Variants in TBXAS1 observed in about 807,000 individuals in gnomAD.
The protein encoded by TBXAS1 is thromboxane A synthase 1, also known as thromboxane-A synthase.
Under a neutral mutation model 60.7 loss-of-function variants are expected in TBXAS1, and 48 were observed. The observed-to-expected ratio is 0.79, with a 90% CI of 0.63 to 1.01. TBXAS1 has a LOEUF of 1.01. Among genes scored for constraint, TBXAS1 ranks in the 50% least tolerant of loss-of-function variants. The probability of loss-of-function intolerance (pLI) is 0.00; values close to 1 mark genes in which losing one functional copy is unlikely to be tolerated. For synonymous variants in TBXAS1, 287 were observed against 269.7 expected (o/e 1.06, Z -0.63); for missense variants, 685 against 686.3 (o/e 1.00, Z 0.02).
rs965010180 is a variant in TBXAS1 at position 139,962,358 on chromosome 7, A to T, written c.1134+125A>T. 4.1e-6 allele frequency: 5 copies of T among 1,206,834 alleles called. No individual in the cohort carries two copies. In the African/African-American group the frequency reaches 7.5e-5, roughly 18 times the overall value. 74.8% of individuals were successfully genotyped at this position (1,206,834 alleles called of 1,614,324 possible). ...ACATTCTAAGCTTATAAGATGAAATAGGGTCATTGCTTGGCTTCTCCTGCT... is the reference window on the plus strand; with the variant it reads ...ACATTCTAAGCTTATAAGATGAAATTGGGTCATTGCTTGGCTTCTCCTGCT... On this transcript the variant is annotated intron_variant, in intron 9 of 12. Transcript: ENST00000448866.
At chr7:139,930,201 G>A (rs1196214380) in intron 4 of TBXAS1, among the ~76,000 whole-genome samples, 5 of 152,178 alleles carry the variant, frequency 3.3e-5, no homozygotes, top group Non-Finnish European at 7.3e-5. Context: ...AGTGCCAACT[G>A]ACCAATTTAA....
chr7:139,832,284 G>T (rs1798757319), intron 1 of TBXAS1, among the ~76,000 whole-genome samples: 2 of 152,006 alleles, frequency 1.3e-5, no homozygotes, highest in South Asian at 4.1e-4. Flanking sequence ...AGAAAATTCA[G>T]GAAACTTTGG....
At chr7:139,785,444 G>A (rs1213068892) in intron 3 of TBXAS1, among the ~76,000 whole-genome samples, 4 of 149,852 alleles carry the variant, frequency 2.7e-5, no homozygotes, top group African/African-American at 5.0e-5. Flanking sequence ...GCCATTGCAG[G>A]TCAACTGCCA....
At chr7:140,001,460 C>T (rs960407446) in intron 9 of TBXAS1, among the ~76,000 whole-genome samples, 1 of 152,156 alleles carries the variant, frequency 6.6e-6, no homozygotes, top group Non-Finnish European at 1.5e-5. Context: ...GGCACTATCT[C>T]GGCTCACCGC....
At chr7:139,910,197 G>C (rs1192347136) in intron 3 of TBXAS1, among the ~76,000 whole-genome samples, 1 of 152,158 alleles carries the variant, frequency 6.6e-6, no homozygotes, top group African/African-American at 2.4e-5. Context: ...TGGAAACTGT[G>C]ACTGGGTCTT....
At chr7:139,911,108 C>A in intron 3 of TBXAS1, 117 bp from the exon 4 acceptor site, 1 of 867,400 alleles carries the variant, frequency 1.2e-6, no homozygotes, top group African/African-American at 1.7e-5. Context: ...CTCATCGTCT[C>A]CATACCTTTA....
At chr7:139,989,985 AT>A (rs1315008012) in intron 9 of TBXAS1, among the ~76,000 whole-genome samples, 3 of 152,098 alleles carry the variant, frequency 2.0e-5, no homozygotes, top group African/African-American at 7.2e-5. Flanking sequence ...GCTCCTCCTT[AT>A]GCAAAACACC....
chr7:139,942,170 T>C (rs1009325222), intron 5 of TBXAS1, among the ~76,000 whole-genome samples: 2 of 152,172 alleles, frequency 1.3e-5, no homozygotes, highest in South Asian at 4.1e-4. Flanking sequence ...TTTCAAGCTA[T>C]GAATTACTAC....
chr7:139,825,135 G>T (rs1798405538), upstream of TBXAS1, among the ~76,000 whole-genome samples: 2 of 75,750 alleles, frequency 2.6e-5, no homozygotes, highest in Non-Finnish European at 4.3e-5. Context: ...AGCCTGAGTT[G>T]ATTTTTTTTT....
At chr7:139,957,930 T>C (rs1216693259) in intron 8 of TBXAS1, among the ~76,000 whole-genome samples, 166 bp downstream of exon 8, 1 of 151,890 alleles carries the variant, frequency 6.6e-6, no homozygotes, top group African/African-American at 2.4e-5. Context: ...CAGAGGAAGG[T>C]TGAGGAAGGT....
intron 3 of TBXAS1, among the ~76,000 whole-genome samples, chr7:139,877,458 TG>T (rs1322951370): frequency 3.9e-5 from 6 of 152,234 alleles, no homozygotes; most frequent in African/African-American, 1.4e-4. Context: ...AGTCTTGCTC[TG>T]TCGCCCAGGC....
At chr7:139,942,477 T>C (rs1808368232) in intron 5 of TBXAS1, among the ~76,000 whole-genome samples, 1 of 152,226 alleles carries the variant, frequency 6.6e-6, no homozygotes, top group African/African-American at 2.4e-5. Flanking sequence ...TGAGTGCCTC[T>C]AGCAGAGACT....
chr7:139,820,699 C>T (rs1357755026), intron 4 of TBXAS1, among the ~76,000 whole-genome samples: 1 of 152,134 alleles, frequency 6.6e-6, no homozygotes, highest in African/African-American at 2.4e-5. Flanking sequence ...GATGTCCTGA[C>T]CCTACCTTAT....
intron 5 of TBXAS1, chr7:139,952,611 C>G: frequency 1.3e-6 from 2 of 1,537,258 alleles, no homozygotes; most frequent in Middle Eastern, 1.7e-4. Flanking sequence ...GCAGGCTCCA[C>G]AAAGAATTCC....
At chr7:139,891,817 A>G (rs1803644402) in intron 3 of TBXAS1, among the ~76,000 whole-genome samples, 1 of 152,160 alleles carries the variant, frequency 6.6e-6, no homozygotes, top group African/African-American at 2.4e-5. Flanking sequence ...TTCAAACAGG[A>G]AGGTCTTGCT....
At chr7:139,784,010 T>A (rs1382127099) in intron 3 of TBXAS1, among the ~76,000 whole-genome samples, 14 of 107,144 alleles carry the variant, frequency 1.3e-4, no homozygotes, top group African/African-American at 4.8e-4. Flanking sequence ...TAGTTTTTTT[T>A]GTTTTTTTTT....
At chr7:140,003,787 T>C (rs962404091) in intron 9 of TBXAS1, among the ~76,000 whole-genome samples, 1 of 152,238 alleles carries the variant, frequency 6.6e-6, no homozygotes. Context: ...GTTTGATACA[T>C]GCATATTCCT....
chr7:139,843,169 T>C (rs985709698), intron 1 of TBXAS1, among the ~76,000 whole-genome samples: 2 of 152,142 alleles, frequency 1.3e-5, no homozygotes, highest in African/African-American at 4.8e-5. Flanking sequence ...TCTCCCTTCT[T>C]GGTTTAACTG....
At chr7:139,805,229 G>A (rs1797818882) in intron 4 of TBXAS1, among the ~76,000 whole-genome samples, 2 of 152,248 alleles carry the variant, frequency 1.3e-5, no homozygotes, top group Non-Finnish European at 2.9e-5. Context: ...ATCACTCTAT[G>A]AGGTATATAT....
Sources: allele counts gnomAD v4.1 joint callset (sites outside exome capture counted in the v4.1 genomes callset), GRCh38; gene constraint gnomAD v4.1.1; transcripts MANE v1.5; gene names NCBI Gene and HGNC (gene_info 2026-07-23, HGNC 2026-07-21).